ZNF618: variants seen among roughly 807,000 people sequenced by gnomAD.
The protein encoded by ZNF618 is zinc finger protein 618.
Under a neutral mutation model 103.0 loss-of-function variants are expected in ZNF618, and 34 were observed. The observed-to-expected ratio is 0.33, with a 90% CI of 0.25 to 0.44. ZNF618 has a LOEUF of 0.44. Ranked by LOEUF, ZNF618 falls within the 20% of genes least tolerant of loss-of-function variation. The probability of loss-of-function intolerance (pLI) is 1.00; values close to 1 mark genes in which losing one functional copy is unlikely to be tolerated. For synonymous variants in ZNF618, 551 were observed against 542.2 expected, an observed-to-expected ratio of 1.02 and a Z score of -0.23; for missense variants, 1,059 against 1,295.4, an observed-to-expected ratio of 0.82 and a Z score of 2.80.
chr9:113,938,623 C>T (rs1222346701), intron 1 of ZNF618, among the ~76,000 whole-genome samples: 1 of 141,710 alleles, frequency 7.1e-6, no homozygotes, highest in African/African-American at 2.6e-5. Context: ...GGCTAGGGTG[C>T]AGTGGCGCAG....
rs948305626 is a variant in ZNF618 at position 114,028,819 on chromosome 9, G to A, written c.931G>A (p.Val311Met). ...HPEVSPSPRF[V>M]AAKTQTNQSG... ...AGAGGTCTCCCCATCTCCACGCTTC[G>A]TGGCAGCGAAGACCCAGACGAACCA... Residue 311 changes from valine to methionine, a missense_variant, in exon 11 of 15, where the codon GTG (valine) becomes ATG (methionine). Physicochemically the swap from Val to Met is conservative, Grantham distance 21. Transcript: ENST00000374126. 1.2e-5 allele frequency: 18 copies of A among 1,550,454 alleles called. No homozygotes were observed. The highest frequency in any genetic ancestry group is 1.6e-5 in the Non-Finnish European group (18 of 1,147,000).
At position 113,966,351 on chromosome 9, in the gene ZNF618, T is replaced by C. The variant is rs75283167; in HGVS notation, c.34-2766T>C. 8.5e-3 allele frequency among the ~76,000 whole-genome samples: 1,301 copies of C among 152,300 alleles called. 16 individuals are homozygous for C. Among genetic ancestry groups the C allele is most frequent in the African/African-American group, 0.03 (1,246 of 41,554 alleles). On this transcript the variant is annotated intron_variant, in intron 1 of 14. Coordinates refer to ENST00000374126, the MANE Select transcript of ZNF618 (RefSeq NM_001318042.2). ...AGGCCTTGAACTCCGATGTTCTAACTCTAAACTCTGTTCTCTTAAGCTTCG... is the reference window on the plus strand; with the variant it reads ...AGGCCTTGAACTCCGATGTTCTAACCCTAAACTCTGTTCTCTTAAGCTTCG...
chr9:113,933,816 G>T (rs1019650535), intron 1 of ZNF618, among the ~76,000 whole-genome samples: 1 of 152,114 alleles, frequency 6.6e-6, no homozygotes, highest in Non-Finnish European at 1.5e-5. Context: ...GATGGGCTTG[G>T]TCTTGGCTGG....
chr9:113,966,197 C>T (rs1421006177), intron 1 of ZNF618, among the ~76,000 whole-genome samples: 2 of 152,178 alleles, frequency 1.3e-5, no homozygotes, highest in African/African-American at 2.4e-5. Context: ...TAAGCTATCT[C>T]AAGTCCCAAG....
intron 1 of ZNF618, among the ~76,000 whole-genome samples, chr9:113,951,496 T>C (rs1464404434): frequency 1.0e-5 from 1 of 96,502 alleles, no homozygotes; most frequent in African/African-American, 3.7e-5. Context: ...TATGTGTGTA[T>C]GTGTACACAT....
chr9:113,988,669 C>T (rs1588251037), intron 3 of ZNF618, 89 bp downstream of exon 3: 1 of 1,468,506 alleles, frequency 6.8e-7, no homozygotes, highest in Non-Finnish European at 9.0e-7. Flanking sequence ...GCGCCTCTGC[C>T]CCCTTCCTGG....
rs59625895 is a variant in ZNF618 at position 113,910,912 on chromosome 9, C to T, written c.33+34499C>T. Reference sequence around the variant, plus strand: ...GTGGCACAATCTCAGCTCATTGCAGCCTCTGCCTCCCAGGTCCAAGTGATT... The same window carrying T: ...GTGGCACAATCTCAGCTCATTGCAGTCTCTGCCTCCCAGGTCCAAGTGATT... On this transcript the variant is annotated intron_variant, in intron 1 of 14. Transcript: ENST00000374126. Among the ~76,000 whole-genome samples the T allele has an allele frequency of 4.9e-3, 750 of 152,080 alleles. 5 individuals carry two copies. The highest frequency in any genetic ancestry group is 0.018 in the African/African-American group (726 of 41,468).
At chr9:113,922,503 G>A (rs767561439) in intron 1 of ZNF618, among the ~76,000 whole-genome samples, 4 of 148,554 alleles carry the variant, frequency 2.7e-5, no homozygotes, top group Middle Eastern at 3.4e-3. Flanking sequence ...TTTTGCATGC[G>A]GATGCCCAGT....
chr9:114,000,577 G>C (rs113859007), intron 4 of ZNF618, among the ~76,000 whole-genome samples: 1 of 135,372 alleles, frequency 7.4e-6, no homozygotes, highest in African/African-American at 2.4e-5. Flanking sequence ...AAAACCAAAA[G>C]GTTGGACCCC....
At chr9:114,020,304 T>C (rs938265324) in intron 10 of ZNF618, among the ~76,000 whole-genome samples, 1 of 152,024 alleles carries the variant, frequency 6.6e-6, no homozygotes, top group Admixed American at 6.6e-5. Flanking sequence ...CTAGAAACTT[T>C]ATTCTTCCAT....
chr9:114,012,647 A>G (rs534774806), intron 9 of ZNF618, among the ~76,000 whole-genome samples: 48 of 152,366 alleles, frequency 3.2e-4, no homozygotes, highest in Admixed American at 5.9e-4. Context: ...TCAGGGAAGC[A>G]GAAAACGTAA....
At chr9:113,953,076 G>T (rs1025694044) in intron 1 of ZNF618, among the ~76,000 whole-genome samples, 2 of 152,184 alleles carry the variant, frequency 1.3e-5, no homozygotes, top group African/African-American at 4.8e-5. Flanking sequence ...TCTGCTCCCA[G>T]GGTCTACTGT....
At position 114,028,977 on chromosome 9, in the gene ZNF618, C is replaced by T; in HGVS notation, c.1084+5C>T. 1 of 1,549,450 alleles carries T rather than the reference C, an allele frequency of 6.5e-7. No homozygotes were observed. The highest frequency in any genetic ancestry group is 8.7e-7 in the Non-Finnish European group (1 of 1,146,646). ...CGGCGAGCAAGGCAACCGCAGGTACCAATGGCCTATGTGACCCCCACACTT... is the reference window on the plus strand; with the variant it reads ...CGGCGAGCAAGGCAACCGCAGGTACTAATGGCCTATGTGACCCCCACACTT... On this transcript the variant is annotated splice_donor_5th_base_variant and intron_variant, in intron 11 of 14. Coordinates refer to ENST00000374126, the MANE Select transcript of ZNF618 (RefSeq NM_001318042.2).
chr9:113,945,822 G>T (rs770304756), intron 1 of ZNF618, among the ~76,000 whole-genome samples: 17 of 152,220 alleles, frequency 1.1e-4, no homozygotes, highest in Non-Finnish European at 2.5e-4. Context: ...TTATTAAATG[G>T]CACTAGTTTA....
At chr9:113,986,266 C>T (rs1340791346) in intron 2 of ZNF618, among the ~76,000 whole-genome samples, 1 of 152,216 alleles carries the variant, frequency 6.6e-6, no homozygotes, top group African/African-American at 2.4e-5. Context: ...TGGCTTGAGG[C>T]CCACAGCGAG....
intron 2 of ZNF618, among the ~76,000 whole-genome samples, chr9:113,974,606 A>T (rs10435837): frequency 3.8e-4 from 57 of 151,924 alleles, no homozygotes; most frequent in African/African-American, 9.4e-4. Flanking sequence ...TTTTTTTTTC[A>T]GGCCTGAGGA....
chr9:113,942,231 T>C (rs1834621517), intron 1 of ZNF618, among the ~76,000 whole-genome samples: 1 of 152,036 alleles, frequency 6.6e-6, no homozygotes, highest in Non-Finnish European at 1.5e-5. Context: ...TGATAGGTTT[T>C]TAGGTAATAG....
chr9:114,042,373 A>G (rs907976976), intron 13 of ZNF618, among the ~76,000 whole-genome samples: 2 of 152,226 alleles, frequency 1.3e-5, no homozygotes, highest in African/African-American at 4.8e-5. Context: ...TACCATCACA[A>G]TAAAAATACA....
At chr9:114,034,122 A>G (rs966146134) in intron 12 of ZNF618, among the ~76,000 whole-genome samples, 4 of 152,026 alleles carry the variant, frequency 2.6e-5, no homozygotes, top group Admixed American at 6.5e-5. Context: ...CAGATTACAT[A>G]CTCAGGTGTT....
Sources: allele counts gnomAD v4.1 joint callset (sites outside exome capture counted in the v4.1 genomes callset), GRCh38; gene constraint gnomAD v4.1.1; transcripts MANE v1.5; gene names NCBI Gene and HGNC (gene_info 2026-07-23, HGNC 2026-07-21).